MCC: variants seen among roughly 807,000 people sequenced by gnomAD.
MCC encodes the protein MCC regulator of Wnt signaling pathway, also known as colorectal mutant cancer protein.
A neutral mutation model predicts 116.2 loss-of-function variants in MCC; 90 were observed. The observed-to-expected ratio is 0.77, with a 90% CI of 0.65 to 0.92. MCC has a LOEUF of 0.92. MCC is among the 40% of genes least tolerant of loss of function. The pLI, the probability that MCC is intolerant of heterozygous loss-of-function variation, is 0.00. For synonymous variants in MCC, 578 were observed against 510.5 expected (o/e 1.13, Z -1.78); for missense variants, 1,516 against 1,312.2 (o/e 1.16, Z -2.40).
chr5:113,267,058 C>G (rs192635609), intron 3 of MCC, among the ~76,000 whole-genome samples: 1 of 152,310 alleles, frequency 6.6e-6, no homozygotes, highest in Admixed American at 6.5e-5. Flanking sequence ...CTAATTATGA[C>G]AATTTAGCAA....
At chr5:113,474,136 A>G (rs1051034391) in intron 1 of MCC, among the ~76,000 whole-genome samples, 1 of 152,218 alleles carries the variant, frequency 6.6e-6, no homozygotes, top group African/African-American at 2.4e-5. Context: ...AAAAATTATC[A>G]AGCATTTGAA....
chr5:113,046,538 G>C (rs1380533170), intron 16 of MCC, among the ~76,000 whole-genome samples: 1 of 151,814 alleles, frequency 6.6e-6, no homozygotes, highest in African/African-American at 2.4e-5. Context: ...ATTTCACCCA[G>C]TCAAAATAAA....
intron 5 of MCC, among the ~76,000 whole-genome samples, chr5:113,129,589 G>A (rs1241583035): frequency 6.6e-6 from 1 of 152,160 alleles, no homozygotes; most frequent in Non-Finnish European, 1.5e-5. Flanking sequence ...ATGGCTGGGA[G>A]GAAGAGAATA....
At position 113,046,710 on chromosome 5, in the gene MCC, A is replaced by AAAAAAAAAAAAAAAAAAAAAAG; in HGVS notation, c.2655+2382_2655+2383insCTTTTTTTTTTTTTTTTTTTTT. The stretch of plus-strand genomic sequence containing the variant: ...CAAAAAAAAAAAAAAAAAAAAAAAA[A>AAAAAAAAAAAAAAAAAAAAAAG]AGAGAGAGATTTTGAAGGTGTTTGT... On this transcript the variant is annotated intron_variant, in intron 16 of 18. Transcript: ENST00000408903. Among the ~76,000 whole-genome samples the AAAAAAAAAAAAAAAAAAAAAAG allele has an allele frequency of 4.3e-3, 442 of 102,442 alleles. 77 individuals are homozygous for AAAAAAAAAAAAAAAAAAAAAAG. The highest frequency in any genetic ancestry group is 6.0e-3 in the Middle Eastern group (1 of 168). 67.2% of individuals were successfully genotyped at this position (102,442 alleles called of 152,430 possible). A position where few individuals can be genotyped will look rare whatever the true frequency, so the allele number is the denominator to read the frequency against.
At chr5:113,038,293 A>T (rs1417957184) in intron 17 of MCC, among the ~76,000 whole-genome samples, 13 of 151,976 alleles carry the variant, frequency 8.6e-5, no homozygotes, top group Admixed American at 8.5e-4. Context: ...TAATTTAGGG[A>T]CCATTTAGAA....
intron 1 of MCC, among the ~76,000 whole-genome samples, chr5:113,440,168 C>A (rs899832378): frequency 3.3e-5 from 5 of 152,222 alleles, no homozygotes; most frequent in Non-Finnish European, 5.9e-5. Flanking sequence ...GGTCTCTCTA[C>A]TTCCAGTCTG....
intron 13 of MCC, among the ~76,000 whole-genome samples, chr5:113,066,788 A>AAT (rs1753635199): frequency 6.6e-6 from 1 of 152,182 alleles, no homozygotes; most frequent in Admixed American, 6.5e-5. Context: ...GACAAGTCCT[A>AAT]ATGGAAGCTC....
At chr5:113,252,627 A>C (rs1392315615) in intron 3 of MCC, among the ~76,000 whole-genome samples, 2 of 152,230 alleles carry the variant, frequency 1.3e-5, no homozygotes, top group Non-Finnish European at 2.9e-5. Flanking sequence ...TAAAGGGCAC[A>C]ATAAATGTAA....
intron 1 of MCC, among the ~76,000 whole-genome samples, chr5:113,406,413 T>C (rs185756542): frequency 3.9e-5 from 6 of 152,298 alleles, no homozygotes; most frequent in African/African-American, 7.2e-5. Context: ...TGGAGAGTTA[T>C]CTAAAATGAC....
At chr5:113,249,786 T>A (rs1764724563) in intron 3 of MCC, among the ~76,000 whole-genome samples, 1 of 152,188 alleles carries the variant, frequency 6.6e-6, no homozygotes, top group Admixed American at 6.5e-5. Flanking sequence ...GACAAATGTA[T>A]CAGACAGACG....
At chr5:113,208,913 C>T (rs1763013187) in intron 3 of MCC, among the ~76,000 whole-genome samples, 1 of 152,118 alleles carries the variant, frequency 6.6e-6, no homozygotes, top group Non-Finnish European at 1.5e-5. Flanking sequence ...AGGCCTAACA[C>T]CAAGGTCAGA....
chr5:113,088,363 T>C (rs1241999133), intron 8 of MCC, among the ~76,000 whole-genome samples: 1 of 151,946 alleles, frequency 6.6e-6, no homozygotes, highest in Admixed American at 6.6e-5. Context: ...ACATAGTTAA[T>C]AGAGTTCTCA....
chr5:113,079,846 A>G (rs1754729046), intron 11 of MCC, among the ~76,000 whole-genome samples: 1 of 152,260 alleles, frequency 6.6e-6, no homozygotes, highest in Admixed American at 6.5e-5. Context: ...ACAGCAAAAG[A>G]AACTGCCATC....
chr5:113,041,987 A>ACT (rs948298386), intron 17 of MCC, among the ~76,000 whole-genome samples: 1 of 152,064 alleles, frequency 6.6e-6, no homozygotes, highest in Non-Finnish European at 1.5e-5. Context: ...ACAGAGCGAG[A>ACT]CTCTGTCTCA....
chr5:113,095,564 G>C (rs1044492880), intron 8 of MCC, among the ~76,000 whole-genome samples: 2 of 152,076 alleles, frequency 1.3e-5, no homozygotes, highest in African/African-American at 4.8e-5. Flanking sequence ...TTATTACCCA[G>C]GTTGGAGTAC....
chr5:113,049,463 C>T (rs1752346084), intron 15 of MCC, among the ~76,000 whole-genome samples, 164 bp from the exon 16 acceptor site: 1 of 152,226 alleles, frequency 6.6e-6, no homozygotes, highest in South Asian at 2.1e-4. Context: ...AGACGTGGCA[C>T]CTGTCACCAC....
intron 11 of MCC, among the ~76,000 whole-genome samples, chr5:113,072,624 G>A (rs576760807): frequency 1.3e-5 from 2 of 152,180 alleles, no homozygotes; most frequent in Admixed American, 6.5e-5. Context: ...CTGCCCTAGC[G>A]GCTATTTCCT....
chr5:113,044,324 C>T (rs1222270562), intron 16 of MCC: 1 of 206,924 alleles, frequency 4.8e-6, no homozygotes, highest in Non-Finnish European at 8.5e-6. Context: ...AGCAAATCAT[C>T]CCACCCTGCA....
At chr5:113,079,171 G>T (rs966499743) in intron 11 of MCC, among the ~76,000 whole-genome samples, 1 of 152,134 alleles carries the variant, frequency 6.6e-6, no homozygotes, top group Non-Finnish European at 1.5e-5. Context: ...ACAAACAAAT[G>T]GAAGAACATT....
Sources: gnomAD v4.1 joint callset for allele counts (sites outside exome capture counted in the v4.1 genomes callset) on GRCh38, gnomAD v4.1.1 for gene constraint, MANE v1.5 for transcripts, NCBI Gene and HGNC (gene_info 2026-07-23, HGNC 2026-07-21) for gene names.